The following TAS2R1 variants were observed in gnomAD, a reference collection of about 807,000 sequenced individuals.
The protein encoded by TAS2R1 is taste 2 receptor member 1.
For synonymous variants in TAS2R1, 141 were observed against 134.2 expected (o/e 1.05, Z -0.35); for missense variants, 370 against 353.4 (o/e 1.05, Z -0.38).
chr5:9,629,317 G>C lies in TAS2R1; in HGVS notation c.716C>G (p.Ser239Cys). 1 of 1,613,704 alleles carries C rather than the reference G, an allele frequency of 6.2e-7. No homozygotes were observed. The highest frequency in any genetic ancestry group is 2.2e-5 in the East Asian group (1 of 44,882). The change falls in exon 1 of 1, where the codon TCC becomes TGC. Residue 239 changes from serine (S) to cysteine (C), a missense_variant. Transcript: ENST00000382492. ...SILSFLILYF[S>C]HCMIKVFLSS... ...GAGAAAAACTTTTATCATGCAGTGG[G>C]AGAAGTAGAGGATCAGGAAGGACAG...
the TAS2R1 span, among the ~76,000 whole-genome samples, chr5:9,760,138 A>T: frequency 1.1e-4 from 16 of 152,204 alleles, no homozygotes; most frequent in African/African-American, 3.9e-4. Flanking sequence ...AACACAAATA[A>T]TCAAAATTCA....
intron 1 of TAS2R1, among the ~76,000 whole-genome samples, chr5:9,679,295 G>T (rs749588320): frequency 6.6e-6 from 1 of 152,166 alleles, no homozygotes; most frequent in Admixed American, 6.5e-5. Context: ...ATGACATTAC[G>T]CATTTCTAAA....
chr5:9,780,181 T>C, the TAS2R1 span, among the ~76,000 whole-genome samples: 1 of 152,174 alleles, frequency 6.6e-6, no homozygotes, highest in African/African-American at 2.4e-5. Flanking sequence ...CCTCCCACTC[T>C]GACAGTTACC....
chr5:9,638,977 C>G (rs982150082), intron 2 of TAS2R1, among the ~76,000 whole-genome samples: 1 of 152,160 alleles, frequency 6.6e-6, no homozygotes, highest in Admixed American at 6.5e-5. Flanking sequence ...GCAGTGCCCC[C>G]GCTCAGTGCC....
the TAS2R1 span, among the ~76,000 whole-genome samples, chr5:9,866,080 G>A: frequency 6.6e-6 from 1 of 152,046 alleles, no homozygotes; most frequent in South Asian, 2.1e-4. Context: ...TATACATTGA[G>A]ACTTTTTATC....
the TAS2R1 span, among the ~76,000 whole-genome samples, chr5:9,734,360 A>G: frequency 6.6e-6 from 1 of 152,206 alleles, no homozygotes; most frequent in Non-Finnish European, 1.5e-5. Context: ...TTGTCCAATC[A>G]ATACAGCTCC....
intron 1 of TAS2R1, among the ~76,000 whole-genome samples, chr5:9,683,352 G>A (rs1235179836): frequency 1.3e-5 from 2 of 152,140 alleles, no homozygotes; most frequent in East Asian, 3.9e-4. Context: ...TTAAGATGAT[G>A]ATACTCACTA....
chr5:9,734,794 C>T, the TAS2R1 span, among the ~76,000 whole-genome samples: 1 of 151,482 alleles, frequency 6.6e-6, no homozygotes, highest in Non-Finnish European at 1.5e-5. Flanking sequence ...ACGGTGAACA[C>T]TACAGCTGTG....
intron 1 of TAS2R1, among the ~76,000 whole-genome samples, chr5:9,709,188 GAA>G (rs535742726): frequency 2.0e-4 from 17 of 84,810 alleles, no homozygotes; most frequent in Admixed American, 3.2e-4. Flanking sequence ...ACTTAAAGTA[GAA>G]AAAAAAAAAA....
the TAS2R1 span, among the ~76,000 whole-genome samples, chr5:9,881,649 C>T: frequency 6.6e-6 from 1 of 152,078 alleles, no homozygotes; most frequent in African/African-American, 2.4e-5. Context: ...GGTACTGGTA[C>T]AAAAATAGAC....
At chr5:9,671,640 T>C (rs1740761210) in intron 1 of TAS2R1, among the ~76,000 whole-genome samples, 1 of 151,826 alleles carries the variant, frequency 6.6e-6, no homozygotes, top group African/African-American at 2.4e-5. Flanking sequence ...AACTCAGAGA[T>C]AAAAAAAACA....
At chr5:9,723,938 G>A in the TAS2R1 span, among the ~76,000 whole-genome samples, 16 of 152,230 alleles carry the variant, frequency 1.1e-4, no homozygotes, top group Non-Finnish European at 2.4e-4. Flanking sequence ...CTTCCTCATT[G>A]TTCCTTTGGG....
upstream of TAS2R1, among the ~76,000 whole-genome samples, chr5:9,631,469 C>T (rs1053400666): frequency 6.6e-6 from 1 of 152,066 alleles, no homozygotes; most frequent in Non-Finnish European, 1.5e-5. Flanking sequence ...CTTAACCTCC[C>T]GACCTCAAGC....
chr5:9,856,521 C>T, the TAS2R1 span, among the ~76,000 whole-genome samples: 1 of 152,136 alleles, frequency 6.6e-6, no homozygotes, highest in South Asian at 2.1e-4. Flanking sequence ...AAAGAGTGTT[C>T]CTACCAAATT....
upstream of TAS2R1, among the ~76,000 whole-genome samples, chr5:9,713,397 G>A (rs1356620197): frequency 6.6e-6 from 1 of 152,106 alleles, no homozygotes; most frequent in Non-Finnish European, 1.5e-5. Flanking sequence ...TTCTGGCAAA[G>A]CTTTTTCCTA....
At chr5:9,701,560 AACC>A (rs1230302049) in intron 1 of TAS2R1, among the ~76,000 whole-genome samples, 1 of 152,238 alleles carries the variant, frequency 6.6e-6, no homozygotes, top group African/African-American at 2.4e-5. Context: ...GGGAAGCAAG[AACC>A]ACCATCAATA....
At chr5:9,873,086 A>T in the TAS2R1 span, among the ~76,000 whole-genome samples, 4 of 152,328 alleles carry the variant, frequency 2.6e-5, no homozygotes, top group East Asian at 7.7e-4. Flanking sequence ...CATATGAGGA[A>T]ACAAAGAATT....
At chr5:9,781,153 T>C in the TAS2R1 span, among the ~76,000 whole-genome samples, 1 of 152,260 alleles carries the variant, frequency 6.6e-6, no homozygotes, top group African/African-American at 2.4e-5. Context: ...CCAAATTGTT[T>C]TGTGTATCCA....
the TAS2R1 span, among the ~76,000 whole-genome samples, chr5:9,848,252 C>T: frequency 3.0e-3 from 461 of 152,324 alleles, 2 homozygotes; most frequent in African/African-American, 0.01. Context: ...ATCTCAGCAA[C>T]GCTTCTTTCT....
Sources: gnomAD v4.1 joint callset for allele counts (sites outside exome capture counted in the v4.1 genomes callset) on GRCh38, gnomAD v4.1.1 for gene constraint, MANE v1.5 for transcripts, NCBI Gene and HGNC (gene_info 2026-07-23, HGNC 2026-07-21) for gene names.